The following NCKAP1L variants were observed in gnomAD, a reference collection of about 807,000 sequenced individuals.
NCKAP1L encodes nck-associated protein 1-like.
A neutral mutation model predicts 139.2 loss-of-function variants in NCKAP1L; 53 were observed. The observed-to-expected ratio is 0.38, with a 90% CI of 0.31 to 0.48. NCKAP1L has a LOEUF of 0.48. Among genes scored for constraint, NCKAP1L ranks in the 20% least tolerant of loss-of-function variants. The probability of loss-of-function intolerance (pLI) is 0.98; values close to 1 mark genes in which losing one functional copy is unlikely to be tolerated. For missense variants in NCKAP1L, 1,151 were observed against 1,381.9 expected, an observed-to-expected ratio of 0.83 and a Z score of 2.65; for synonymous variants, 468 against 499.7, an observed-to-expected ratio of 0.94 and a Z score of 0.85.
chr12:54,528,712 G>A (rs766447754), intron 22 of NCKAP1L, among the ~76,000 whole-genome samples: 1 of 151,456 alleles, frequency 6.6e-6, no homozygotes, highest in African/African-American at 2.4e-5. Context: ...CGCAACCTGC[G>A]CCTCCCGGGT....
chr12:54,499,950 A>G (rs901272666), intron 2 of NCKAP1L, among the ~76,000 whole-genome samples: 4 of 152,118 alleles, frequency 2.6e-5, no homozygotes, highest in East Asian at 1.9e-4. Context: ...ATATCTGTTC[A>G]TCTGAAAGGG....
At chr12:54,521,095 T>C in intron 17 of NCKAP1L, 24 bp from the exon 18 acceptor site, 1 of 1,613,812 alleles carries the variant, frequency 6.2e-7, no homozygotes, top group Non-Finnish European at 8.5e-7. Context: ...TGACAGTCTC[T>C]TCTTTGGTCC....
At chr12:54,519,489 G>C (rs541062484) in intron 16 of NCKAP1L, among the ~76,000 whole-genome samples, 157 bp downstream of exon 16, 1 of 117,238 alleles carries the variant, frequency 8.5e-6, no homozygotes, top group African/African-American at 3.3e-5. Flanking sequence ...GGCTGGTCTT[G>C]AACTCCTGGC....
chr12:54,500,529 T>C lies in NCKAP1L; in HGVS notation c.214-4T>C. The C allele has an allele frequency of 6.2e-7, 1 of 1,601,726 alleles. No individual in the cohort carries two copies. The highest frequency in any genetic ancestry group is 8.6e-7 in the Non-Finnish European group (1 of 1,168,838). On this transcript the variant is annotated splice_polypyrimidine_tract_variant and splice_region_variant and intron_variant, in intron 2 of 30. Transcript: ENST00000293373. ...TTTATTGTTTTGTTTTGTGTTTCTC[T>C]CAGCAACATTTAGGACCAGTACATC...
intron 9 of NCKAP1L, 86 bp from the exon 10 acceptor site, chr12:54,516,153 G>C (rs1316693692): frequency 1.4e-6 from 2 of 1,405,852 alleles, no homozygotes; most frequent in Admixed American, 3.4e-5. Context: ...CAGGGTATAG[G>C]CTGGACTCTC....
At chr12:54,505,930 G>C (rs1036539467) in intron 3 of NCKAP1L, among the ~76,000 whole-genome samples, 2 of 152,170 alleles carry the variant, frequency 1.3e-5, no homozygotes, top group Non-Finnish European at 2.9e-5. Context: ...CCAAAGTGCT[G>C]GGATTACAGG....
chr12:54,501,347 C>T (rs892120308), intron 3 of NCKAP1L, among the ~76,000 whole-genome samples: 2 of 152,072 alleles, frequency 1.3e-5, no homozygotes, highest in South Asian at 2.1e-4. Flanking sequence ...CTTATCCGAT[C>T]GTATGTTGAT....
intron 30 of NCKAP1L, among the ~76,000 whole-genome samples, chr12:54,539,272 C>G (rs550008740): frequency 6.6e-6 from 1 of 152,178 alleles, no homozygotes; most frequent in Admixed American, 6.5e-5. Context: ...CAGCTGTGCC[C>G]GTTATTGGTA....
chr12:54,514,231 A>C (rs919427611), intron 9 of NCKAP1L, among the ~76,000 whole-genome samples: 1 of 152,198 alleles, frequency 6.6e-6, no homozygotes, highest in African/African-American at 2.4e-5. Context: ...ATGGATATTT[A>C]AGCTGTTTCC....
chr12:54,521,080 G>C (rs926675150), intron 17 of NCKAP1L, 39 bp from the exon 18 acceptor site: 11 of 1,612,742 alleles, frequency 6.8e-6, no homozygotes, highest in Non-Finnish European at 9.3e-6. Context: ...TGGCCGTGCT[G>C]GTGATGACAG....
At position 54,516,950 on chromosome 12, in the gene NCKAP1L, G is replaced by A. The variant is rs772754073; in HGVS notation, c.1053G>A (p.Leu351=). ...TTCTGCGGATGGCAGTGAAGGAGCT[G>A]GAGACTGTGTTGGCTGATGAACCGG... ...RQFLRMAVKE[L]ETVLADEPGL... Residue 351 remains leucine, a synonymous_variant, in exon 11 of 31, where the codon CTG becomes CTA. Transcript: ENST00000293373. The A allele has an allele frequency of 6.2e-7, 1 of 1,612,882 alleles. No homozygotes were observed. Among genetic ancestry groups the A allele is most frequent in the Non-Finnish European group, 8.5e-7 (1 of 1,179,240 alleles).
intron 15 of NCKAP1L, 82 bp from the exon 16 acceptor site, chr12:54,519,105 T>G: frequency 6.4e-7 from 1 of 1,570,114 alleles, no homozygotes; most frequent in Non-Finnish European, 8.7e-7. Context: ...CAAGACATAC[T>G]CAGGCCAAAC....
intron 29 of NCKAP1L, among the ~76,000 whole-genome samples, chr12:54,538,216 G>A (rs1234722620): frequency 2.0e-5 from 3 of 152,208 alleles, no homozygotes; most frequent in Non-Finnish European, 2.9e-5. Context: ...ATTGGTTGGT[G>A]TGTCTCTATT....
chr12:54,515,119 C>G (rs546869590), intron 9 of NCKAP1L, among the ~76,000 whole-genome samples: 1 of 152,220 alleles, frequency 6.6e-6, no homozygotes, highest in Admixed American at 6.5e-5. Context: ...AATTAGGACA[C>G]AATTCCAGGT....
intron 18 of NCKAP1L, 71 bp downstream of exon 18, chr12:54,521,309 G>C: frequency 3.8e-6 from 6 of 1,582,602 alleles, no homozygotes; most frequent in Non-Finnish European, 5.2e-6. Flanking sequence ...ATCTAACTTT[G>C]TTTCCCTCTC....
In NCKAP1L at chr12:54,523,100, C is replaced by T. The variant is rs555502323; in HGVS notation, c.1879-294C>T. Among the ~76,000 whole-genome samples the T allele has an allele frequency of 4.9e-4, 74 of 152,268 alleles. 1 individual carries two copies. Among genetic ancestry groups the T allele is most frequent in the African/African-American group, 1.7e-3 (70 of 41,552 alleles). On this transcript the variant is annotated intron_variant, in intron 18 of 30. Transcript: ENST00000293373. ...TCTTGTTCTTTATACTTGAGTTTTT[C>T]CATTAAGAAAGGTTCTCTCAGGATG... is the stretch of plus-strand genomic sequence containing the variant.
intron 5 of NCKAP1L, among the ~76,000 whole-genome samples, chr12:54,509,032 A>T (rs1956865027): frequency 6.6e-6 from 1 of 152,212 alleles, no homozygotes; most frequent in Non-Finnish European, 1.5e-5. Flanking sequence ...GGTTATTACA[A>T]AAGGCAAAGA....
chr12:54,520,939 T>A, intron 17 of NCKAP1L, 113 bp downstream of exon 17: 2 of 1,491,828 alleles, frequency 1.3e-6, no homozygotes, highest in South Asian at 1.1e-5. Flanking sequence ...CATAGATGTA[T>A]GATATGAGTC....
At chr12:54,519,900 G>T (rs1402432563) in intron 16 of NCKAP1L, among the ~76,000 whole-genome samples, 2 of 148,204 alleles carry the variant, frequency 1.3e-5, no homozygotes, top group African/African-American at 5.0e-5. Flanking sequence ...TTTTACTCTA[G>T]GAACATTGTG....
Sources: allele counts gnomAD v4.1 joint callset (sites outside exome capture counted in the v4.1 genomes callset), GRCh38; gene constraint gnomAD v4.1.1; transcripts MANE v1.5; gene names NCBI Gene and HGNC (gene_info 2026-07-23, HGNC 2026-07-21).